DOCK2: variants seen among roughly 807,000 people sequenced by gnomAD.
DOCK2 encodes dedicator of cytokinesis 2, also known as dedicator of cytokinesis protein 2.
Under a neutral mutation model 248.9 loss-of-function variants are expected in DOCK2, and 87 were observed. The ratio of observed to expected loss-of-function variants is 0.35; its 90% CI spans 0.29 to 0.42. DOCK2 has a LOEUF of 0.42. Among genes scored for constraint, DOCK2 ranks in the 10% least tolerant of loss-of-function variants. DOCK2 has a pLI of 1.00. For missense variants in DOCK2, 1,747 were observed against 2,300.2 expected, an observed-to-expected ratio of 0.76 and a Z score of 4.92; for synonymous variants, 805 against 821.6, an observed-to-expected ratio of 0.98 and a Z score of 0.35.
At position 169,714,385 on chromosome 5, in the gene DOCK2, G is replaced by T; in HGVS notation, c.1869G>T (p.Trp623Cys). 1 of 1,614,094 alleles carries T rather than the reference G, an allele frequency of 6.2e-7. No homozygotes were observed. The highest frequency in any genetic ancestry group is 8.5e-7 in the Non-Finnish European group (1 of 1,179,976). Residue 623 changes from tryptophan (W) to cysteine (C), a missense_variant, in exon 19 of 52, where the codon TGG (tryptophan) becomes TGT (cysteine). Transcript: ENST00000520908. Reference sequence around the variant, plus strand: ...TGGGCTTGCTGGGTTTGCTGAAGTGGCGTATGAAGCCTCAACTGCTACAGG... The same window carrying T: ...TGGGCTTGCTGGGTTTGCTGAAGTGTCGTATGAAGCCTCAACTGCTACAGG... ...QNVGLLGLLK[W>C]RMKPQLLQEN...
chr5:170,021,951 A>G (rs1755743731), intron 33 of DOCK2, among the ~76,000 whole-genome samples: 3 of 152,148 alleles, frequency 2.0e-5, no homozygotes, highest in Admixed American at 2.0e-4. Context: ...ACATGATGCC[A>G]AAATAATCCC....
intron 1 of DOCK2, among the ~76,000 whole-genome samples, chr5:169,651,953 A>G (rs1283169913): frequency 6.6e-6 from 1 of 152,230 alleles, no homozygotes; most frequent in Non-Finnish European, 1.5e-5. Context: ...TGTTCAGGAG[A>G]TAATATAATG....
At chr5:169,961,853 C>A (rs148259738) in intron 27 of DOCK2, among the ~76,000 whole-genome samples, 1 of 151,736 alleles carries the variant, frequency 6.6e-6, no homozygotes, top group South Asian at 2.1e-4. Flanking sequence ...GTGGCAGGCA[C>A]CTGTAATCCC....
intron 34 of DOCK2, 81 bp downstream of exon 34, chr5:170,028,029 A>C: frequency 7.5e-7 from 1 of 1,328,490 alleles, no homozygotes; most frequent in Non-Finnish European, 1.0e-6. Context: ...GGGGGCTCCG[A>C]GTGGCTCTGT....
chr5:169,832,207 G>C (rs1320125472), intron 26 of DOCK2, among the ~76,000 whole-genome samples: 1 of 152,204 alleles, frequency 6.6e-6, no homozygotes, highest in Non-Finnish European at 1.5e-5. Flanking sequence ...ATGCACAGTT[G>C]CTGGCATATA....
rs1403361894 is a variant in DOCK2 at position 170,083,218 on chromosome 5, A to G, written c.*360A>G. ...CTCATTTATTAAGTCTCAGAACTTA[A>G]CAGAAAAGGAAGCCTTTTAAATATT... On this transcript the variant is annotated 3_prime_UTR_variant, in exon 52 of 52. Coordinates refer to ENST00000520908, the MANE Select transcript of DOCK2 (RefSeq NM_004946.3). 1.0e-5 allele frequency: 2 copies of G among 195,502 alleles called. No individual in the cohort carries two copies. The highest frequency in any genetic ancestry group is 2.3e-5 in the African/African-American group (1 of 43,150). The allele number at this position is 195,502 out of a possible 1,614,324, so 12.1% of individuals were successfully genotyped here.
At chr5:169,925,340 G>A (rs1488745426) in intron 27 of DOCK2, among the ~76,000 whole-genome samples, 1 of 152,146 alleles carries the variant, frequency 6.6e-6, no homozygotes, top group East Asian at 1.9e-4. Context: ...TCGTCTTGTT[G>A]AGAGGCTGAG....
intron 27 of DOCK2, among the ~76,000 whole-genome samples, chr5:169,886,397 G>A (rs749085577): frequency 3.9e-5 from 6 of 152,198 alleles, no homozygotes; most frequent in Admixed American, 6.5e-5. Context: ...ATGACTTTGT[G>A]TAGGACTTTT....
At chr5:170,062,679 G>A (rs372044215) in intron 44 of DOCK2, among the ~76,000 whole-genome samples, 44 of 152,112 alleles carry the variant, frequency 2.9e-4, no homozygotes, top group East Asian at 1.3e-3. Flanking sequence ...CTGAGACTGC[G>A]CAGAGTTAGA....
intron 26 of DOCK2, among the ~76,000 whole-genome samples, chr5:169,822,160 A>G (rs1041129628): frequency 2.6e-5 from 4 of 152,220 alleles, no homozygotes; most frequent in South Asian, 2.1e-4. Flanking sequence ...CTCCCACACA[A>G]TAATAATGGG....
chr5:169,703,705 G>A (rs183508272), intron 14 of DOCK2, among the ~76,000 whole-genome samples: 173 of 152,250 alleles, frequency 1.1e-3, no homozygotes, highest in African/African-American at 3.9e-3. Context: ...AGCATTGAAC[G>A]CATCCTCCTT....
At chr5:169,749,840 A>G (rs1763807681) in intron 23 of DOCK2, among the ~76,000 whole-genome samples, 1 of 152,206 alleles carries the variant, frequency 6.6e-6, no homozygotes, top group Non-Finnish European at 1.5e-5. Flanking sequence ...TATTCCTCAT[A>G]TTCCTAACCC....
In DOCK2 at chr5:169,681,795, C is replaced by T. The variant is rs1309205925; in HGVS notation, c.522C>T (p.Asp174=). The T allele has an allele frequency of 6.2e-7, 1 of 1,613,718 alleles. No individual in the cohort carries two copies. The change falls in exon 7 of 52, where the codon GAC becomes GAT. Residue 174 remains aspartate (D), a synonymous_variant. Coordinates refer to ENST00000520908, the MANE Select transcript of DOCK2 (RefSeq NM_004946.3). ...GAGATGAAGACGGAAATATCTTGGACCCTGATAATACCAGTGTCATCAGCT... is the reference window on the plus strand; with the variant it reads ...GAGATGAAGACGGAAATATCTTGGATCCTGATAATACCAGTGTCATCAGCT... ...IVRDEDGNIL[D]PDNTSVISLF... is the part of the protein sequence containing the mutation.
intron 22 of DOCK2, among the ~76,000 whole-genome samples, chr5:169,739,375 C>G (rs984645098): frequency 2.6e-5 from 4 of 152,124 alleles, no homozygotes; most frequent in Admixed American, 2.6e-4. Flanking sequence ...AGCCTTATTC[C>G]CACATGAGAA....
At chr5:170,025,291 A>C (rs1755863957) in intron 33 of DOCK2, among the ~76,000 whole-genome samples, 1 of 152,228 alleles carries the variant, frequency 6.6e-6, no homozygotes, top group Non-Finnish European at 1.5e-5. Flanking sequence ...TTGTAAATAA[A>C]CTTTTATTGG....
chr5:170,002,115 A>G (rs1305149651), intron 30 of DOCK2, among the ~76,000 whole-genome samples: 1 of 152,170 alleles, frequency 6.6e-6, no homozygotes, highest in African/African-American at 2.4e-5. Context: ...ACAAACAACA[A>G]CTAAACATGC....
At chr5:169,917,392 C>T (rs1424504355) in intron 27 of DOCK2, among the ~76,000 whole-genome samples, 2 of 152,036 alleles carry the variant, frequency 1.3e-5, no homozygotes, top group Non-Finnish European at 2.9e-5. Flanking sequence ...GATTTTTTTC[C>T]AGTAGTAAAA....
rs200133232 is a variant in DOCK2 at position 169,681,898 on chromosome 5, G to C, written c.606+19G>C. 2.8e-5 allele frequency: 45 copies of C among 1,611,572 alleles called. No individual in the cohort carries two copies. In the East Asian group the frequency reaches 3.3e-4, roughly 12 times the overall value. ...AGAAATGGTGAGCTTTACTAAATAG[G>C]CTTTGGCCAAGTGATACAATCATTT... On this transcript the variant is annotated intron_variant, in intron 7 of 51. Transcript: ENST00000520908.
chr5:169,792,453 G>A (rs1228393978), intron 25 of DOCK2, among the ~76,000 whole-genome samples: 2 of 148,620 alleles, frequency 1.3e-5, no homozygotes, highest in Non-Finnish European at 1.5e-5. Flanking sequence ...TTTTATATAT[G>A]TGTGTGTGTG....
Sources: gnomAD v4.1 joint callset for allele counts (sites outside exome capture counted in the v4.1 genomes callset) on GRCh38, gnomAD v4.1.1 for gene constraint, MANE v1.5 for transcripts, NCBI Gene and HGNC (gene_info 2026-07-23, HGNC 2026-07-21) for gene names.